The following CFTR variants were observed in gnomAD, a reference collection of about 807,000 sequenced individuals.
The protein encoded by CFTR is CF transmembrane conductance regulator.
A neutral mutation model predicts 171.6 loss-of-function variants in CFTR; 181 were observed. The observed-to-expected ratio is 1.05, with a 90% CI of 0.93 to 1.19. The LOEUF (loss-of-function observed/expected upper bound fraction) is 1.19, where lower values mean the gene tolerates loss of function less well. Ranked by LOEUF, CFTR falls within the 50% of genes most tolerant of loss-of-function variation. The pLI, the probability that CFTR is intolerant of heterozygous loss-of-function variation, is 0.00. For synonymous variants in CFTR, 583 were observed against 608.0 expected, an observed-to-expected ratio of 0.96 and a Z score of 0.60; for missense variants, 1,968 against 1,734.7, an observed-to-expected ratio of 1.13 and a Z score of -2.39.
At chr7:117,587,961 TAGTGGGTTAAGAATCACATTTA>T in intron 12 of CFTR, 128 bp downstream of exon 12, 1 of 685,666 alleles carries the variant, frequency 1.5e-6, no homozygotes, top group Non-Finnish European at 2.7e-6. Flanking sequence ...GTTTTATGGC[TAGTGGGTTAAGAATCACATTTA>T]AGAACTATAA....
chr7:117,540,289 A>G lies in CFTR; in HGVS notation c.1059A>G (p.Gln353=), dbSNP rs1800087. Residue 353 remains glutamine, a synonymous_variant, in exon 8 of 27, where the codon CAA becomes CAG. Coordinates refer to ENST00000003084, the MANE Select transcript of CFTR (RefSeq NM_000492.4). ...TTCTGCGCATGGCGGTCACTCGGCA[A>G]TTTCCCTGGGCTGTACAAACATGGT... ...CIVLRMAVTR[Q]FPWAVQTWYD... The G allele has an allele frequency of 3.7e-6, 6 of 1,614,036 alleles. No individual in the cohort carries two copies. Among genetic ancestry groups the G allele is most frequent in the East Asian group, 2.2e-5 (1 of 44,878 alleles).
intron 9 of CFTR, among the ~76,000 whole-genome samples, chr7:117,547,361 C>T (rs897187714): frequency 1.3e-5 from 2 of 152,086 alleles, no homozygotes; most frequent in Non-Finnish European, 2.9e-5. Context: ...CCTGAAGCTG[C>T]AGTTTCAGTG....
intron 3 of CFTR, among the ~76,000 whole-genome samples, chr7:117,524,234 G>A (rs535527943): frequency 8.5e-5 from 13 of 152,132 alleles, no homozygotes; most frequent in Non-Finnish European, 1.6e-4. Context: ...CAGTGAACAA[G>A]AAATGATGCT....
intron 22 of CFTR, among the ~76,000 whole-genome samples, chr7:117,641,689 C>A (rs994403834): frequency 6.6e-6 from 1 of 152,156 alleles, no homozygotes; most frequent in African/African-American, 2.4e-5. Flanking sequence ...CTGTGGGTCA[C>A]CTCTAGCACT....
At position 117,559,522 on chromosome 7, in the gene CFTR, A is replaced by G. The variant is rs1427892651; in HGVS notation, c.1451A>G (p.His484Arg). 8.7e-6 allele frequency: 14 copies of G among 1,612,096 alleles called. No homozygotes were observed. Among genetic ancestry groups the G allele is most frequent in the African/African-American group, 1.3e-5 (1 of 74,988 alleles). Residue 484 changes from histidine to arginine, a missense_variant, in exon 11 of 27, where the codon CAC becomes CGC. Coordinates refer to ENST00000003084, the MANE Select transcript of CFTR (RefSeq NM_000492.4). The stretch of plus-strand genomic sequence containing the variant: ...GAGCCTTCAGAGGGTAAAATTAAGC[A>G]CAGTGGAAGAATTTCATTCTGTTCT... ...ELEPSEGKIK[H>R]SGRISFCSQF...
intron 1 of CFTR, among the ~76,000 whole-genome samples, chr7:117,491,464 T>C (rs536191923): frequency 1.3e-5 from 2 of 152,156 alleles, no homozygotes; most frequent in South Asian, 4.1e-4. Flanking sequence ...ATTTATTATC[T>C]TATGGTTTTG....
chr7:117,577,795 CA>C (rs1243782997), intron 11 of CFTR, among the ~76,000 whole-genome samples: 3 of 152,118 alleles, frequency 2.0e-5, no homozygotes, highest in African/African-American at 7.2e-5. Context: ...TATTATGTAA[CA>C]GGATTGAAAA....
intron 1 of CFTR, among the ~76,000 whole-genome samples, chr7:117,482,937 C>T (rs1462620973): frequency 6.6e-6 from 1 of 152,186 alleles, no homozygotes; most frequent in Non-Finnish European, 1.5e-5. Flanking sequence ...TCCAAGTATA[C>T]AGTGCCACTG....
chr7:117,551,111 A>C (rs1799261976), intron 10 of CFTR, among the ~76,000 whole-genome samples: 1 of 152,224 alleles, frequency 6.6e-6, no homozygotes, highest in Non-Finnish European at 1.5e-5. Context: ...CAGAGATCTT[A>C]TGTAAAGCTC....
chr7:117,599,396 C>A (rs192357805), intron 15 of CFTR, among the ~76,000 whole-genome samples: 11 of 152,204 alleles, frequency 7.2e-5, no homozygotes, highest in African/African-American at 2.4e-4. Flanking sequence ...AAGTGTTGAT[C>A]TGCTTCACAT....
At chr7:117,494,808 T>G (rs1798213543) in intron 1 of CFTR, among the ~76,000 whole-genome samples, 1 of 152,126 alleles carries the variant, frequency 6.6e-6, no homozygotes, top group Non-Finnish European at 1.5e-5. Flanking sequence ...ATCACTCATG[T>G]GATTTCTATT....
rs148788555 is a variant in CFTR at position 117,655,074 on chromosome 7, A to C, written c.3963+2143A>C. ...TCTGTTGAGATGGCTAGTCCATAGT[A>C]ATTTACTTATCAAATTTGGCCACAC... On this transcript the variant is annotated intron_variant, in intron 24 of 26. Coordinates refer to ENST00000003084, the MANE Select transcript of CFTR (RefSeq NM_000492.4). Among the ~76,000 whole-genome samples, 672 of 152,270 alleles carry C rather than the reference A, an allele frequency of 4.4e-3. 5 individuals carry two copies. Among genetic ancestry groups the C allele is most frequent in the Non-Finnish European group, 5.6e-3 (383 of 68,006 alleles).
chr7:117,573,977 G>C (rs755340241), intron 11 of CFTR, among the ~76,000 whole-genome samples: 4 of 152,012 alleles, frequency 2.6e-5, no homozygotes, highest in Non-Finnish European at 2.9e-5. Flanking sequence ...TGTGTGTAAG[G>C]CTTCTCTGAT....
At chr7:117,655,792 A>T (rs1291255827) in intron 24 of CFTR, among the ~76,000 whole-genome samples, 1 of 152,168 alleles carries the variant, frequency 6.6e-6, no homozygotes, top group Admixed American at 6.6e-5. Context: ...GAGGCTGGGA[A>T]GTTCAAAATC....
chr7:117,490,850 C>T (rs1798149521), intron 1 of CFTR, among the ~76,000 whole-genome samples: 1 of 152,020 alleles, frequency 6.6e-6, no homozygotes, highest in African/African-American at 2.4e-5. Context: ...GAATTAGACC[C>T]AGTGCTTTCT....
At chr7:117,484,736 A>G (rs1798046029) in intron 1 of CFTR, among the ~76,000 whole-genome samples, 1 of 151,440 alleles carries the variant, frequency 6.6e-6, no homozygotes, top group South Asian at 2.1e-4. Context: ...ATATCTTTGT[A>G]TATATAATTA....
chr7:117,607,761 T>C (rs1792323740), intron 18 of CFTR, among the ~76,000 whole-genome samples: 1 of 152,208 alleles, frequency 6.6e-6, no homozygotes, highest in Non-Finnish European at 1.5e-5. Flanking sequence ...AGACTGTCAG[T>C]TTGCCTCATC....
chr7:117,629,266 G>A lies in CFTR; in HGVS notation c.3717+1496G>A, dbSNP rs79473103. The stretch of plus-strand genomic sequence containing the variant: ...GGGGAATTGGAAATTACTCACATAA[G>A]GCTATGGATTGTGCCATTTGTCAAA... On this transcript the variant is annotated intron_variant, in intron 22 of 26. Coordinates refer to ENST00000003084, the MANE Select transcript of CFTR (RefSeq NM_000492.4). 5.2e-3 allele frequency among the ~76,000 whole-genome samples: 797 copies of A among 152,274 alleles called. 5 individuals are homozygous for A. The highest frequency in any genetic ancestry group is 0.018 in the African/African-American group (744 of 41,568).
chr7:117,519,141 G>A (rs1798647057), intron 3 of CFTR, among the ~76,000 whole-genome samples: 1 of 152,048 alleles, frequency 6.6e-6, no homozygotes, highest in South Asian at 2.1e-4. Flanking sequence ...TAAAAGAAAG[G>A]TAGATTTTTT....
Sources: allele counts gnomAD v4.1 joint callset (sites outside exome capture counted in the v4.1 genomes callset), GRCh38; gene constraint gnomAD v4.1.1; transcripts MANE v1.5; gene names NCBI Gene and HGNC (gene_info 2026-07-23, HGNC 2026-07-21).